The following RGL1 variants were observed in gnomAD, a reference collection of about 807,000 sequenced individuals.
RGL1 encodes ral guanine nucleotide dissociation stimulator like 1.
Under a neutral mutation model 95.2 loss-of-function variants are expected in RGL1, and 24 were observed. The ratio of observed to expected loss-of-function variants is 0.25; its 90% CI spans 0.18 to 0.35. RGL1 has a LOEUF of 0.35. RGL1 is among the 10% of genes least tolerant of loss of function. The pLI is 1.00. For missense variants in RGL1, 715 were observed against 936.3 expected (o/e 0.76, Z 3.08); for synonymous variants, 329 against 344.9 (o/e 0.95, Z 0.51).
At chr1:183,878,150 T>TCTATCTATCTA (rs1558266355) in intron 4 of RGL1, among the ~76,000 whole-genome samples, 86 of 111,648 alleles carry the variant, frequency 7.7e-4, no homozygotes, top group East Asian at 1.0e-3. Flanking sequence ...TTGATTTTCT[T>TCTATCTATCTA]TCTATCTATC....
intron 1 of RGL1, chr1:183,709,569 C>T (rs941102854): frequency 6.2e-6 from 1 of 161,204 alleles, no homozygotes; most frequent in African/African-American, 2.4e-5. Context: ...TGCTTCTTTC[C>T]TTTGCATCCA....
intron 11 of RGL1, among the ~76,000 whole-genome samples, chr1:183,900,769 G>A (rs981861161): frequency 1.3e-5 from 2 of 151,922 alleles, no homozygotes; most frequent in African/African-American, 2.4e-5. Context: ...GCCTTCCAAA[G>A]TGCTGGGATT....
intron 1 of RGL1, among the ~76,000 whole-genome samples, chr1:183,680,364 C>T (rs1489450885): frequency 6.6e-6 from 1 of 152,100 alleles, no homozygotes; most frequent in Non-Finnish European, 1.5e-5. Flanking sequence ...ATGTTGAAGT[C>T]TTTAATCCAT....
chr1:183,720,814 GTC>G (rs1655976202), intron 1 of RGL1, among the ~76,000 whole-genome samples: 1 of 152,176 alleles, frequency 6.6e-6, no homozygotes, highest in African/African-American at 2.4e-5. Flanking sequence ...ATAGGAAAAT[GTC>G]TGTTTGAGAC....
intron 10 of RGL1, among the ~76,000 whole-genome samples, chr1:183,898,502 G>A (rs1212364073): frequency 1.3e-5 from 2 of 152,208 alleles, no homozygotes; most frequent in East Asian, 1.9e-4. Flanking sequence ...ACTTCTGACT[G>A]TTAGCATAAA....
intron 1 of RGL1, among the ~76,000 whole-genome samples, chr1:183,663,584 G>T (rs1034827289): frequency 4.6e-5 from 7 of 152,026 alleles, no homozygotes; most frequent in African/African-American, 1.7e-4. Flanking sequence ...AGAGGATGTG[G>T]AGAAATTGGA....
chr1:183,689,984 G>C (rs563503435), intron 1 of RGL1, among the ~76,000 whole-genome samples: 1 of 152,218 alleles, frequency 6.6e-6, no homozygotes, highest in Non-Finnish European at 1.5e-5. Flanking sequence ...AGGCTAAGTT[G>C]TAAGACTTGA....
At chr1:183,920,905 C>T (rs75453463) in intron 16 of RGL1, among the ~76,000 whole-genome samples, 1 of 152,274 alleles carries the variant, frequency 6.6e-6, no homozygotes, top group South Asian at 2.1e-4. Context: ...GGCATCTTGG[C>T]ACTGCCATCC....
rs1250742703 is a variant in RGL1, at chr1:183,806,402, G to A, written c.55G>A (p.Val19Ile). The A allele has an allele frequency of 1.1e-5, 18 of 1,613,848 alleles. No homozygotes were observed. The highest frequency in any genetic ancestry group is 2.7e-5 in the African/African-American group (2 of 74,882). The change falls in exon 2 of 18, where the codon GTA becomes ATA. Residue 19 changes from valine to isoleucine, a missense_variant. By Grantham distance (29) the Val-to-Ile change is conservative (BLOSUM62 3). Coordinates refer to ENST00000360851, the MANE Select transcript of RGL1 (RefSeq NM_001297671.3). ...MSSIQDWGEE[V>I]EEGAVYHVTL... is the part of the protein sequence containing the mutation. The stretch of plus-strand genomic sequence containing the variant: ...CTCGATTCAGGACTGGGGTGAAGAG[G>A]TAGAGGAAGGAGCTGTTTACCATGT...
intron 1 of RGL1, among the ~76,000 whole-genome samples, chr1:183,692,374 G>A (rs1653998054): frequency 6.6e-6 from 1 of 152,226 alleles, no homozygotes; most frequent in African/African-American, 2.4e-5. Flanking sequence ...ATGGGGAGCA[G>A]TGGGTCATGA....
chr1:183,901,997 A>G (rs1202032746), intron 11 of RGL1, among the ~76,000 whole-genome samples: 3 of 152,186 alleles, frequency 2.0e-5, no homozygotes, highest in East Asian at 1.9e-4. Context: ...TTCATTTTGC[A>G]TCTCCTGACT....
chr1:183,845,775 A>G (rs1282734301), intron 2 of RGL1, among the ~76,000 whole-genome samples: 1 of 152,216 alleles, frequency 6.6e-6, no homozygotes, highest in Non-Finnish European at 1.5e-5. Flanking sequence ...ATATACTCCA[A>G]CCATGGCCAG....
chr1:183,677,780 G>A (rs888809772), intron 1 of RGL1, among the ~76,000 whole-genome samples: 5 of 152,146 alleles, frequency 3.3e-5, no homozygotes, highest in Non-Finnish European at 5.9e-5. Context: ...ATCACCATGA[G>A]TTAGGTGTTA....
At chr1:183,662,748 T>C (rs1008617081) in intron 1 of RGL1, among the ~76,000 whole-genome samples, 15 of 152,072 alleles carry the variant, frequency 9.9e-5, no homozygotes, top group Non-Finnish European at 1.3e-4. Context: ...GAGCCCGCAT[T>C]GCCAAGTCAA....
At chr1:183,676,458 T>G (rs1436503508) in intron 1 of RGL1, among the ~76,000 whole-genome samples, 1 of 151,848 alleles carries the variant, frequency 6.6e-6, no homozygotes, top group Non-Finnish European at 1.5e-5. Context: ...TTCTTTCCAC[T>G]CATCCATATG....
Position 183,897,837 on chromosome 1 carries a change from C to T in RGL1, c.1170C>T (p.Asp390=), listed in dbSNP as rs1485550457. 2 of 1,614,022 alleles carry T rather than the reference C, an allele frequency of 1.2e-6. No homozygotes were observed. Among genetic ancestry groups the T allele is most frequent in the South Asian group, 2.2e-5 (2 of 91,066 alleles). ...KEGTSKFANL[D]SSVKENQKRT... ...GAACCTCAAAATTTGCAAACCTGGA[C>T]AGCAGTGTGAAAGAAAACCAGAAGC... is the stretch of plus-strand genomic sequence containing the variant. The change falls in exon 10 of 18, where the codon GAC becomes GAT. Residue 390 remains aspartate (D), a synonymous_variant. Coordinates refer to ENST00000360851, the MANE Select transcript of RGL1 (RefSeq NM_001297671.3).
At chr1:183,842,789 C>T (rs956895358) in intron 2 of RGL1, among the ~76,000 whole-genome samples, 1 of 152,200 alleles carries the variant, frequency 6.6e-6, no homozygotes, top group African/African-American at 2.4e-5. Context: ...AAGGGTTCCA[C>T]CCCTTTCGTC....
intron 1 of RGL1, among the ~76,000 whole-genome samples, chr1:183,712,696 T>C (rs1655359090): frequency 6.6e-6 from 1 of 152,230 alleles, no homozygotes. Flanking sequence ...TATGTCTTCA[T>C]TGTTGCAGAG....
intron 1 of RGL1, among the ~76,000 whole-genome samples, chr1:183,668,962 G>C (rs1270522839): frequency 7.6e-6 from 1 of 131,498 alleles, no homozygotes; most frequent in Non-Finnish European, 1.6e-5. Context: ...TTTTGAGATG[G>C]AGTCTCACTC....
Sources: gnomAD v4.1 joint callset for allele counts (sites outside exome capture counted in the v4.1 genomes callset) on GRCh38, gnomAD v4.1.1 for gene constraint, MANE v1.5 for transcripts, NCBI Gene and HGNC (gene_info 2026-07-23, HGNC 2026-07-21) for gene names.